The following CDH12 variants were observed in gnomAD, a reference collection of about 807,000 sequenced individuals.
CDH12 encodes the protein cadherin 12.
CDH12 carries 41 observed loss-of-function variants against 74.1 expected under a neutral mutation model. That is an observed-to-expected ratio of 0.55 (90% CI 0.43 to 0.72). CDH12 has a LOEUF of 0.72. Ranked by LOEUF, CDH12 falls within the 30% of genes least tolerant of loss-of-function variation. The pLI is 0.00. For missense variants in CDH12, 945 were observed against 977.2 expected (o/e 0.97, Z 0.44); for synonymous variants, 399 against 355.0 (o/e 1.12, Z -1.39).
intron 6 of CDH12, among the ~76,000 whole-genome samples, chr5:21,870,599 A>G (rs747374544): frequency 6.6e-6 from 1 of 152,204 alleles, no homozygotes; most frequent in Non-Finnish European, 1.5e-5. Flanking sequence ...TTGTTTTAAC[A>G]GTACAAAATA....
Position 22,303,052 on chromosome 5 carries a change from CA to C in CDH12, c.-332-90410del, listed in dbSNP as rs758435170. ...GAAGAAAGAGGAAGAGAGCTAGAGG[CA>C]AAAAAAATGTGGGTGCAAATATTTT... On this transcript the variant is annotated intron_variant, in intron 3 of 14. Coordinates refer to ENST00000382254, the MANE Select transcript of CDH12 (RefSeq NM_004061.5). Among the ~76,000 whole-genome samples, 132 of 151,006 alleles carry C rather than the reference CA, an allele frequency of 8.7e-4. 2 individuals carry two copies. The East Asian group carries it at 0.019, about 21-fold the overall frequency.
At position 22,764,984 on chromosome 5, in the gene CDH12, G is replaced by A. The variant is rs115310594; in HGVS notation, c.-523+88074C>T. Among the ~76,000 whole-genome samples, 1,340 of 151,968 alleles carry A rather than the reference G, an allele frequency of 8.8e-3. 21 individuals carry two copies. The highest frequency in any genetic ancestry group is 0.031 in the African/African-American group (1,274 of 41,504). ...GCATATCATAAAAACTGACACTGAG[G>A]TAATTCTGCTTGTCTTTTTCTCAAG... On this transcript the variant is annotated intron_variant, in intron 1 of 14. Coordinates refer to ENST00000382254, the MANE Select transcript of CDH12 (RefSeq NM_004061.5).
chr5:22,540,063 AT>A (rs1489455765), intron 1 of CDH12, among the ~76,000 whole-genome samples: 1 of 152,190 alleles, frequency 6.6e-6, no homozygotes, highest in Non-Finnish European at 1.5e-5. Flanking sequence ...TTAAGCCAAT[AT>A]TCCAAGTGAA....
chr5:22,198,406 T>A (rs1750741276), intron 4 of CDH12, among the ~76,000 whole-genome samples: 1 of 152,166 alleles, frequency 6.6e-6, no homozygotes, highest in Non-Finnish European at 1.5e-5. Context: ...TTATGTTATC[T>A]GACAATGTTA....
chr5:22,324,583 A>G (rs1339331930), intron 3 of CDH12, among the ~76,000 whole-genome samples: 2 of 151,766 alleles, frequency 1.3e-5, no homozygotes, highest in African/African-American at 4.8e-5. Flanking sequence ...TAAACTTTTT[A>G]TTACAATAAA....
chr5:22,028,696 T>A (rs1201865998), intron 5 of CDH12, among the ~76,000 whole-genome samples: 3 of 152,070 alleles, frequency 2.0e-5, no homozygotes, highest in African/African-American at 7.2e-5. Flanking sequence ...CCAAGGTAAT[T>A]TATAGATTCA....
At chr5:22,154,260 C>G (rs1747848252) in intron 4 of CDH12, among the ~76,000 whole-genome samples, 1 of 151,234 alleles carries the variant, frequency 6.6e-6, no homozygotes, top group South Asian at 2.1e-4. Flanking sequence ...AAGACCTACT[C>G]TCTAAGCTGA....
At chr5:22,041,139 A>C (rs1167819514) in intron 5 of CDH12, among the ~76,000 whole-genome samples, 1 of 152,064 alleles carries the variant, frequency 6.6e-6, no homozygotes, top group Non-Finnish European at 1.5e-5. Context: ...TAACTTTAAG[A>C]TGTTTTATGT....
chr5:22,356,072 AC>A (rs1172359633), intron 3 of CDH12, among the ~76,000 whole-genome samples: 1 of 152,192 alleles, frequency 6.6e-6, no homozygotes, highest in Non-Finnish European at 1.5e-5. Context: ...AGTCAGACGA[AC>A]TTTGTCAGCA....
chr5:22,837,573 A>C (rs948611187), intron 1 of CDH12, among the ~76,000 whole-genome samples: 6 of 152,214 alleles, frequency 3.9e-5, no homozygotes, highest in Non-Finnish European at 7.3e-5. Flanking sequence ...TTGACATTTT[A>C]GTCATGTAAA....
At chr5:21,883,656 A>C (rs1276904363) in intron 6 of CDH12, 2 of 1,612,154 alleles carry the variant, frequency 1.2e-6, no homozygotes, top group Non-Finnish European at 8.5e-7. Context: ...AGACGATGCC[A>C]TGCTCTTAAA....
At chr5:21,983,385 A>G (rs1444268772) in intron 5 of CDH12, among the ~76,000 whole-genome samples, 1 of 152,080 alleles carries the variant, frequency 6.6e-6, no homozygotes, top group Non-Finnish European at 1.5e-5. Context: ...GTTGGTAAAG[A>G]GCCTCTTTTT....
intron 1 of CDH12, among the ~76,000 whole-genome samples, chr5:22,529,182 TATATATAGAGAGAGAGAG>T (rs70959741): frequency 0.15 from 14,204 of 96,748 alleles, 959 homozygotes; most frequent in South Asian, 0.24. Flanking sequence ...TATATATATA[TATATATAGAGAGAGAGAG>T]AGAGAGAGAG....
chr5:22,308,833 C>CACAA (rs1561300968), intron 3 of CDH12, among the ~76,000 whole-genome samples: 3 of 150,086 alleles, frequency 2.0e-5, no homozygotes, highest in Non-Finnish European at 4.4e-5. Context: ...CACACACACA[C>CACAA]ACACACACAC....
intron 1 of CDH12, among the ~76,000 whole-genome samples, chr5:22,571,118 T>C (rs1364662854): frequency 6.6e-6 from 1 of 152,176 alleles, no homozygotes; most frequent in African/African-American, 2.4e-5. Flanking sequence ...ATGTTTTGGC[T>C]GCTTTGATCT....
chr5:22,307,412 T>G (rs1174545279), intron 3 of CDH12, among the ~76,000 whole-genome samples: 1 of 152,208 alleles, frequency 6.6e-6, no homozygotes, highest in African/African-American at 2.4e-5. Context: ...CATAACTTGT[T>G]GTTGATTCTC....
At chr5:22,277,324 G>C (rs557144266) in intron 3 of CDH12, among the ~76,000 whole-genome samples, 1 of 152,052 alleles carries the variant, frequency 6.6e-6, no homozygotes, top group East Asian at 1.9e-4. Flanking sequence ...CCAACCACTC[G>C]GGGCTAATAC....
chr5:21,783,387 T>C lies in CDH12; in HGVS notation c.1364A>G (p.Tyr455Cys). ...ELLDRESTAQ[Y>C]NFSIIASKVS... Reference sequence around the variant, plus strand: ...TTTACTCGCAATTATGGAGAAATTATACTGCGCAGTGCTTTCTCTGTCTAG... The same window carrying C: ...TTTACTCGCAATTATGGAGAAATTACACTGCGCAGTGCTTTCTCTGTCTAG... Residue 455 changes from tyrosine (Y) to cysteine (C), a missense_variant, in exon 11 of 15, where the codon TAT becomes TGT. Physicochemically the swap from Tyr to Cys is radical, Grantham distance 194. Around this residue, in one of 3 missense-constraint regions of CDH12, gnomAD observed 791 missense variants for 792.8 expected, o/e 1.00. Coordinates refer to ENST00000382254, the MANE Select transcript of CDH12 (RefSeq NM_004061.5). The C allele has an allele frequency of 6.2e-7, 1 of 1,613,158 alleles. No individual in the cohort carries two copies.
chr5:22,123,082 C>T (rs1745619764), intron 4 of CDH12, among the ~76,000 whole-genome samples: 1 of 152,164 alleles, frequency 6.6e-6, no homozygotes, highest in South Asian at 2.1e-4. Context: ...ATGTTTGTGT[C>T]TCCCCCAGAA....
Sources: gnomAD v4.1 joint callset for allele counts (sites outside exome capture counted in the v4.1 genomes callset) on GRCh38, gnomAD v4.1.1 for gene constraint, gnomAD v4.1.1 regional missense constraint, MANE v1.5 for transcripts, NCBI Gene and HGNC (gene_info 2026-07-23, HGNC 2026-07-21) for gene names.